Variants in RGS22 observed in about 807,000 individuals in gnomAD.
RGS22 encodes regulator of G protein signaling 22, also known as regulator of G-protein signaling 22.
A neutral mutation model predicts 172.9 loss-of-function variants in RGS22; 148 were observed. The ratio of observed to expected loss-of-function variants is 0.86; its 90% CI spans 0.75 to 0.98. The LOEUF (loss-of-function observed/expected upper bound fraction) is 0.98, where lower values mean the gene tolerates loss of function less well. RGS22 is among the 50% of genes least tolerant of loss of function. The pLI is 0.00. For missense variants in RGS22, 1,347 were observed against 1,440.8 expected (o/e 0.93, Z 1.05); for synonymous variants, 458 against 480.2 (o/e 0.95, Z 0.60).
At position 100,051,635 on chromosome 8, in the gene RGS22, TTA is replaced by T. The variant is rs573843590; in HGVS notation, c.1689+1165_1689+1166del. ...TGTTTATACATATATAAATATATATTTATATATGTTTATACATATATAAATAT... is the reference window on the plus strand; with the variant it reads ...TGTTTATACATATATAAATATATATTTATATGTTTATACATATATAAATAT... On this transcript the variant is annotated intron_variant, in intron 10 of 27. Transcript: ENST00000360863. 2.1e-3 allele frequency among the ~76,000 whole-genome samples: 50 copies of T among 23,464 alleles called. 14 individuals are homozygous for T. The South Asian group carries it at 0.076, about 36-fold the overall frequency. 15.4% of individuals were successfully genotyped at this position (23,464 alleles called of 152,430 possible).
chr8:99,969,567 C>G (rs1281081504), intron 23 of RGS22, among the ~76,000 whole-genome samples: 1 of 151,660 alleles, frequency 6.6e-6, no homozygotes, highest in East Asian at 1.9e-4. Context: ...AAAAAAAAAG[C>G]AGGGGTTGCA....
At chr8:100,105,842 G>C in intron 1 of RGS22, 55 bp downstream of exon 1, 1 of 1,428,464 alleles carries the variant, frequency 7.0e-7, no homozygotes, top group South Asian at 1.3e-5. Flanking sequence ...GCTGGCGCGT[G>C]GTGCGGCCCC....
intron 14 of RGS22, among the ~76,000 whole-genome samples, chr8:100,014,968 A>G (rs1278605835): frequency 1.3e-5 from 2 of 152,176 alleles, no homozygotes; most frequent in Non-Finnish European, 2.9e-5. Context: ...TACATTCTAC[A>G]AAGACAGAGA....
rs192358641 is a variant in RGS22 at position 99,967,610 on chromosome 8, C to T, written c.3520-2180G>A. On this transcript the variant is annotated intron_variant, in intron 23 of 27. Transcript: ENST00000360863. Reference sequence around the variant, plus strand: ...TCTCCCCTCACAGTGTTAAGTAAACCGCTGGGAAGTTTGAATGGTGTGGAA... The same window carrying T: ...TCTCCCCTCACAGTGTTAAGTAAACTGCTGGGAAGTTTGAATGGTGTGGAA... 1.6e-3 allele frequency among the ~76,000 whole-genome samples: 237 copies of T among 152,268 alleles called. 2 individuals carry two copies. The highest frequency in any genetic ancestry group is 2.5e-3 in the South Asian group (12 of 4,820).
chr8:100,090,260 G>A (rs185004479), intron 3 of RGS22, among the ~76,000 whole-genome samples: 18 of 152,216 alleles, frequency 1.2e-4, no homozygotes, highest in Admixed American at 1.2e-3. Flanking sequence ...AGATCATGCT[G>A]GTAAGAGTGG....
chr8:100,008,684 T>C (rs1256329774), intron 14 of RGS22, 115 bp from the exon 15 acceptor site: 1 of 696,532 alleles, frequency 1.4e-6, no homozygotes, highest in Non-Finnish European at 2.3e-6. Flanking sequence ...GCCCACGTGA[T>C]ATTTTTCTTG....
chr8:99,999,160 A>G, intron 19 of RGS22, 102 bp downstream of exon 19: 6 of 638,094 alleles, frequency 9.4e-6, no homozygotes, highest in Non-Finnish European at 1.3e-5. Context: ...CCATTCCTTA[A>G]AAAAAAAAAA....
At position 100,093,130 on chromosome 8, in the gene RGS22, T is replaced by C. The variant is rs187893378; in HGVS notation, c.117+317A>G. On this transcript the variant is annotated intron_variant, in intron 3 of 27. Coordinates refer to ENST00000360863, the MANE Select transcript of RGS22 (RefSeq NM_015668.5). Reference sequence around the variant, plus strand: ...AGCGAGCCATGATCATACCACTGCATTCCAGCGTGGGCGACAGAGCAACAC... The same window carrying C: ...AGCGAGCCATGATCATACCACTGCACTCCAGCGTGGGCGACAGAGCAACAC... 4.1e-3 allele frequency: 823 copies of C among 200,494 alleles called. 5 individuals are homozygous for C. The highest frequency in any genetic ancestry group is 6.8e-3 in the Non-Finnish European group (674 of 99,744). The allele number at this position is 200,494 out of a possible 1,614,324, so 12.4% of individuals were successfully genotyped here.
intron 19 of RGS22, among the ~76,000 whole-genome samples, chr8:99,998,732 C>G (rs974162722): frequency 2.0e-5 from 3 of 152,140 alleles, no homozygotes; most frequent in African/African-American, 7.2e-5. Flanking sequence ...CTCACTGTAA[C>G]CTCGATCTCC....
In RGS22 at chr8:100,008,393, G is replaced by C. The variant is rs958420404; in HGVS notation, c.2343C>G (p.Asp781Glu). ...LEPWTKMVKS[D>E]QIAYKKVELV... is the part of the protein sequence containing the mutation. ...ACGGTACCTTTTTATAAGCAATTTGGTCCGATTTTACCATCTTTGTCCATG... is the reference window on the plus strand; with the variant it reads ...ACGGTACCTTTTTATAAGCAATTTGCTCCGATTTTACCATCTTTGTCCATG... Residue 781 changes from aspartate (D) to glutamate (E), a missense_variant, in exon 15 of 28, where the codon GAC becomes GAG. By Grantham distance (45) the Asp-to-Glu change is conservative. Coordinates refer to ENST00000360863, the MANE Select transcript of RGS22 (RefSeq NM_015668.5). 1.2e-6 allele frequency: 2 copies of C among 1,609,760 alleles called. No individual in the cohort carries two copies. Among genetic ancestry groups the C allele is most frequent in the Non-Finnish European group, 8.5e-7 (1 of 1,179,130 alleles).
chr8:100,090,135 C>T (rs954701559), intron 3 of RGS22, among the ~76,000 whole-genome samples: 4 of 152,134 alleles, frequency 2.6e-5, no homozygotes, highest in Non-Finnish European at 1.5e-5. Flanking sequence ...AAGTGAAGCA[C>T]TAAACCTGTG....
intron 10 of RGS22, among the ~76,000 whole-genome samples, chr8:100,051,493 TATATA>T (rs1821316385): frequency 1.4e-5 from 1 of 69,312 alleles, no homozygotes; most frequent in Non-Finnish European, 2.6e-5. Flanking sequence ...TTATATATAA[TATATA>T]ATAAATATAT....
chr8:99,986,693 T>C (rs1254659484), intron 21 of RGS22, among the ~76,000 whole-genome samples: 1 of 152,206 alleles, frequency 6.6e-6, no homozygotes, highest in Non-Finnish European at 1.5e-5. Flanking sequence ...CATTTCTCTT[T>C]TACTTATTTT....
chr8:100,033,231 C>G (rs531620457), intron 14 of RGS22, among the ~76,000 whole-genome samples: 1 of 152,046 alleles, frequency 6.6e-6, no homozygotes, highest in African/African-American at 2.4e-5. Flanking sequence ...AATCCAGGAG[C>G]TGGTTTTTTG....
chr8:100,092,606 C>T (rs945354872), intron 3 of RGS22, among the ~76,000 whole-genome samples: 1 of 152,140 alleles, frequency 6.6e-6, no homozygotes, highest in Admixed American at 6.5e-5. Context: ...CTCTGTTTTC[C>T]CTTCCACCAT....
intron 20 of RGS22, among the ~76,000 whole-genome samples, chr8:99,993,246 A>T (rs964391740): frequency 6.6e-6 from 1 of 152,218 alleles, no homozygotes; most frequent in African/African-American, 2.4e-5. Flanking sequence ...AGCTAGCAGA[A>T]GGCAAGAAAC....
chr8:99,986,840 G>T (rs912793666), intron 21 of RGS22, among the ~76,000 whole-genome samples: 1 of 152,024 alleles, frequency 6.6e-6, no homozygotes, highest in African/African-American at 2.4e-5. Context: ...CTTACAAAGA[G>T]ATCTTGGTTG....
intron 2 of RGS22, 113 bp downstream of exon 2, chr8:100,105,261 C>A: frequency 1.2e-6 from 1 of 852,536 alleles, no homozygotes; most frequent in East Asian, 2.4e-5. Flanking sequence ...TGTTACTAAA[C>A]CAAAACTCTG....
At chr8:100,062,393 C>G (rs1810209202) in intron 9 of RGS22, among the ~76,000 whole-genome samples, 198 bp downstream of exon 9, 1 of 150,330 alleles carries the variant, frequency 6.7e-6, no homozygotes, top group South Asian at 2.1e-4. Flanking sequence ...AACTTAAATA[C>G]TGTCCCACCT....
Sources: gnomAD v4.1 joint callset for allele counts (sites outside exome capture counted in the v4.1 genomes callset) on GRCh38, gnomAD v4.1.1 for gene constraint, MANE v1.5 for transcripts, NCBI Gene and HGNC (gene_info 2026-07-23, HGNC 2026-07-21) for gene names.